Variants in ARHGEF33 observed in about 807,000 individuals in gnomAD.
The protein encoded by ARHGEF33 is Rho guanine nucleotide exchange factor 33.
Under a neutral mutation model 101.9 loss-of-function variants are expected in ARHGEF33, and 72 were observed. The observed-to-expected ratio is 0.71, with a 90% CI of 0.58 to 0.86. ARHGEF33 has a LOEUF of 0.86. Among genes scored for constraint, ARHGEF33 ranks in the 40% least tolerant of loss-of-function variants. The pLI, the probability that ARHGEF33 is intolerant of heterozygous loss-of-function variation, is 0.00. For synonymous variants in ARHGEF33, 499 were observed against 442.5 expected (o/e 1.13, Z -1.60); for missense variants, 1,169 against 1,111.3 (o/e 1.05, Z -0.74).
intron 2 of ARHGEF33, among the ~76,000 whole-genome samples, chr2:38,910,638 A>G (rs1666488703): frequency 6.6e-6 from 1 of 152,242 alleles, no homozygotes; most frequent in South Asian, 2.1e-4. Context: ...GAATTTTACA[A>G]ATAATATTTC....
chr2:38,891,777 C>A (rs548640590), intron 1 of ARHGEF33, among the ~76,000 whole-genome samples: 1 of 150,594 alleles, frequency 6.6e-6, no homozygotes, highest in South Asian at 2.1e-4. Flanking sequence ...AACCAACATG[C>A]ATCACATTAC....
chr2:38,911,988 C>T (rs1010234314), intron 2 of ARHGEF33, among the ~76,000 whole-genome samples: 3 of 152,220 alleles, frequency 2.0e-5, no homozygotes, highest in African/African-American at 7.2e-5. Context: ...AGAACCCTAC[C>T]AGCTTGGTGG....
At chr2:38,891,564 A>G (rs1206768073) in intron 1 of ARHGEF33, among the ~76,000 whole-genome samples, 1 of 152,158 alleles carries the variant, frequency 6.6e-6, no homozygotes, top group Non-Finnish European at 1.5e-5. Flanking sequence ...GTGACCTGAA[A>G]CCCTATTCCT....
chr2:38,958,222 G>T, intron 15 of ARHGEF33, 24 bp downstream of exon 15: 1 of 1,550,732 alleles, frequency 6.4e-7, no homozygotes. Flanking sequence ...GCTGTGGGAA[G>T]GTTAATGCCA....
At chr2:38,944,876 GGTGT>G (rs397942466) in intron 10 of ARHGEF33, among the ~76,000 whole-genome samples, 8 of 145,646 alleles carry the variant, frequency 5.5e-5, no homozygotes, top group Admixed American at 3.4e-4. Flanking sequence ...GTAATGCATG[GGTGT>G]GTGTGTGTGT....
chr2:38,890,971 T>A (rs1665983461), intron 1 of ARHGEF33, among the ~76,000 whole-genome samples: 1 of 151,074 alleles, frequency 6.6e-6, no homozygotes, highest in African/African-American at 2.4e-5. Context: ...ACTATTGGTT[T>A]TTTTTTTTTT....
intron 2 of ARHGEF33, among the ~76,000 whole-genome samples, chr2:38,908,210 A>T (rs1415231306): frequency 6.6e-6 from 1 of 152,072 alleles, no homozygotes; most frequent in Admixed American, 6.6e-5. Flanking sequence ...CAGGGAGAGA[A>T]TCTGTTTGAA....
rs1666674527 is a variant in ARHGEF33 at position 38,918,074 on chromosome 2, T to C, written c.-85-1289T>C. Among the ~76,000 whole-genome samples, 4 of 152,138 alleles carry C rather than the reference T, an allele frequency of 2.6e-5. No individual in the cohort carries two copies. In the South Asian group the frequency reaches 6.2e-4, roughly 24 times the overall value. ...CTGGCTGATTTAAGCAGGAGAGGAATTTGTTGAAAGGAGATGGACAGCTCA... is the reference window on the plus strand; with the variant it reads ...CTGGCTGATTTAAGCAGGAGAGGAACTTGTTGAAAGGAGATGGACAGCTCA... On this transcript the variant is annotated intron_variant, in intron 2 of 17. Coordinates refer to ENST00000409978, the MANE Select transcript of ARHGEF33 (RefSeq NM_001145451.5).
intron 9 of ARHGEF33, among the ~76,000 whole-genome samples, chr2:38,940,892 C>T (rs982337549): frequency 2.0e-5 from 3 of 152,156 alleles, no homozygotes; most frequent in Admixed American, 6.5e-5. Flanking sequence ...ATGTGGTCCT[C>T]ATATGCTGAG....
chr2:38,957,004 T>C lies in ARHGEF33; in HGVS notation c.1327T>C (p.Cys443Arg), dbSNP rs1419773285. The change falls in exon 14 of 18, where the codon TGC (cysteine) becomes CGC (arginine). Residue 443 changes from cysteine (C) to arginine (R), a missense_variant. Cys to Arg is a radical substitution (Grantham distance 180). Coordinates refer to ENST00000409978, the MANE Select transcript of ARHGEF33 (RefSeq NM_001145451.5). ...CTCACACTACACCCTGCTGTTTCAA[T>C]GCAATGAAGATTTGCTTATTCAGAA... Reference protein sequence around the residue: ...FISHYTLLFQCNEDLLIQKRK... With the variant: ...FISHYTLLFQRNEDLLIQKRK... 1 of 1,552,150 alleles carries C rather than the reference T, an allele frequency of 6.4e-7. No homozygotes were observed. The highest frequency in any genetic ancestry group is 2.0e-5 in the Admixed American group (1 of 51,016).
chr2:38,903,034 G>A (rs1047378329), intron 2 of ARHGEF33, among the ~76,000 whole-genome samples: 3 of 152,096 alleles, frequency 2.0e-5, no homozygotes, highest in Non-Finnish European at 2.9e-5. Context: ...AGATAGGAAC[G>A]AAATAGGCCT....
At chr2:38,930,174 C>G (rs1434322205) in intron 6 of ARHGEF33, among the ~76,000 whole-genome samples, 1 of 152,056 alleles carries the variant, frequency 6.6e-6, no homozygotes, top group Non-Finnish European at 1.5e-5. Context: ...CAGTGATTTT[C>G]TTTTTTTATT....
intron 1 of ARHGEF33, among the ~76,000 whole-genome samples, chr2:38,895,086 A>T (rs1169033937): frequency 6.6e-6 from 1 of 152,094 alleles, no homozygotes; most frequent in Non-Finnish European, 1.5e-5. Context: ...CCTAAACTCT[A>T]TGTCCCAGTC....
At chr2:38,903,861 A>T (rs942274780) in intron 2 of ARHGEF33, among the ~76,000 whole-genome samples, 1 of 152,202 alleles carries the variant, frequency 6.6e-6, no homozygotes, top group African/African-American at 2.4e-5. Context: ...CTTATCAATT[A>T]ATTATCAATA....
Position 38,966,065 on chromosome 2 carries a change from A to G in ARHGEF33, c.2403A>G (p.Gln801=). 1 of 1,551,704 alleles carries G rather than the reference A, an allele frequency of 6.4e-7. No individual in the cohort carries two copies. Among genetic ancestry groups the G allele is most frequent in the Non-Finnish European group, 8.7e-7 (1 of 1,146,978 alleles). ...CCAAAGAAGAAAGAGAAAGTGAACA[A>G]ACATCTTTCAGCGATCAAAATCCCA... ...FCPKEERESE[Q]TSFSDQNPRQ... The change falls in exon 17 of 18, where the codon CAA becomes CAG. Residue 801 remains glutamine (Q), a synonymous_variant. Coordinates refer to ENST00000409978, the MANE Select transcript of ARHGEF33 (RefSeq NM_001145451.5).
chr2:38,931,360 C>G, intron 7 of ARHGEF33, 109 bp downstream of exon 7: 7 of 1,012,192 alleles, frequency 6.9e-6, no homozygotes, highest in Non-Finnish European at 9.8e-6. Context: ...GGTGTATTGC[C>G]TAGAATTTTT....
chr2:38,898,310 C>T (rs78618037), intron 2 of ARHGEF33, among the ~76,000 whole-genome samples: 361 of 152,240 alleles, frequency 2.4e-3, no homozygotes, highest in Non-Finnish European at 3.8e-3. Context: ...TGAGAAAAAA[C>T]GGGTGCGTGT....
rs1380456244 is a variant in ARHGEF33, at chr2:38,891,862, GA to G, written c.-159+1878del. Among the ~76,000 whole-genome samples, 3 of 151,874 alleles carry G rather than the reference GA, an allele frequency of 2.0e-5. No homozygotes were observed. The East Asian group carries it at 5.8e-4, about 29-fold the overall frequency. Reference sequence around the variant, plus strand: ...GCCAGGAATCACCTTGGGAGTCATGGAAGGAAAAAAAACCCTCATTATGTTA... The same window carrying G: ...GCCAGGAATCACCTTGGGAGTCATGGAGGAAAAAAAACCCTCATTATGTTA... On this transcript the variant is annotated intron_variant, in intron 1 of 17. Coordinates refer to ENST00000409978, the MANE Select transcript of ARHGEF33 (RefSeq NM_001145451.5).
chr2:38,909,743 G>C (rs1358562170), intron 2 of ARHGEF33, among the ~76,000 whole-genome samples: 1 of 142,678 alleles, frequency 7.0e-6, no homozygotes, highest in Non-Finnish European at 1.5e-5. Flanking sequence ...GGCATAGAAA[G>C]CTGCATTTTC....
Sources: gnomAD v4.1 joint callset for allele counts (sites outside exome capture counted in the v4.1 genomes callset) on GRCh38, gnomAD v4.1.1 for gene constraint, MANE v1.5 for transcripts, NCBI Gene and HGNC (gene_info 2026-07-23, HGNC 2026-07-21) for gene names.